S100B: variants seen among roughly 807,000 people sequenced by gnomAD.
S100B encodes the protein S100 calcium binding protein B.
In S100B, 6 loss-of-function variants were observed where a neutral mutation model predicts 7.7. The ratio of observed to expected loss-of-function variants is 0.78; its 90% confidence interval spans 0.43 to 1.54. The LOEUF is 1.54. S100B is among the 40% of genes most tolerant of loss of function. The pLI is 0.01. For synonymous variants in S100B, 36 were observed against 40.4 expected, an observed-to-expected ratio of 0.89 and a Z score of 0.41; for missense variants, 99 against 111.8, an observed-to-expected ratio of 0.89 and a Z score of 0.52.
At chr21:46,600,362 G>T in intron 2 of S100B, 1 of 444,014 alleles carries the variant, frequency 2.3e-6, no homozygotes. Flanking sequence ...GGGCAACATA[G>T]GGAGACTCCA....
At chr21:46,600,631 A>G (rs1306910870) in intron 2 of S100B, among the ~76,000 whole-genome samples, 1 of 152,174 alleles carries the variant, frequency 6.6e-6, no homozygotes, top group African/African-American at 2.4e-5. Context: ...GGGCAGGAGC[A>G]GGGCACTAAC....
chr21:46,600,898 ACT>A (rs1030917963), intron 2 of S100B, among the ~76,000 whole-genome samples: 1 of 152,066 alleles, frequency 6.6e-6, no homozygotes. Flanking sequence ...AGAACCTGGG[ACT>A]CTCAGATCAA....
intron 1 of S100B, among the ~76,000 whole-genome samples, chr21:46,603,352 G>T: frequency 9.7e-6 from 1 of 103,200 alleles, no homozygotes; most frequent in Non-Finnish European, 2.1e-5. Context: ...CCAGTGTACC[G>T]AAAGGGTGGC....
At position 46,603,771 on chromosome 21, in the gene S100B, T is replaced by C. The variant is rs544003743; in HGVS notation, c.-2+1242A>G. Among the ~76,000 whole-genome samples the C allele has an allele frequency of 1.8e-3, 275 of 152,312 alleles. 2 individuals carry two copies. Among genetic ancestry groups the C allele is most frequent in the Non-Finnish European group, 3.2e-3 (217 of 68,018 alleles). ...CCTCCGAAGGAAACAGGATTGAAGA[T>C]TTTTTTATACTGGCCAGATCTTTGC... On this transcript the variant is annotated intron_variant, in intron 1 of 2. Transcript: ENST00000291700.
intron 1 of S100B, among the ~76,000 whole-genome samples, chr21:46,603,245 A>G (rs2061046566): frequency 6.6e-6 from 1 of 151,812 alleles, no homozygotes; most frequent in Admixed American, 6.6e-5. Flanking sequence ...GGAAAAAAAA[A>G]TGTATCCTAA....
chr21:46,602,396 G>A lies in S100B; in HGVS notation c.20C>T (p.Ala7Val), dbSNP rs1295639565. Residue 7 changes from alanine to valine, a missense_variant, in exon 2 of 3, where the codon GCC becomes GTC. By Grantham distance (64) the Ala-to-Val change is moderately conservative. Transcript: ENST00000291700. MSELEK[A>V]MVALIDVFHQ... ...GAAAACGTCGATGAGGGCCACCATG[G>A]CCTTCTCCAGCTCAGACATCCTAGG... 6.2e-7 allele frequency: 1 copy of A among 1,613,958 alleles called. No individual in the cohort carries two copies. Among genetic ancestry groups the A allele is most frequent in the Admixed American group, 1.7e-5 (1 of 59,996 alleles).
intron 1 of S100B, 179 bp from the exon 2 acceptor site, chr21:46,602,595 T>C: frequency 3.4e-6 from 2 of 581,180 alleles, no homozygotes; most frequent in South Asian, 2.5e-5. Context: ...ACTTTTATCA[T>C]AATCCTTCCA....
intron 1 of S100B, among the ~76,000 whole-genome samples, chr21:46,603,392 A>AGAGGGTG (rs2061047288): frequency 2.6e-5 from 1 of 38,206 alleles, no homozygotes; most frequent in Non-Finnish European, 4.9e-5. Context: ...GGACGGCGGG[A>AGAGGGTG]GGGGGTGGGG....
intron 2 of S100B, chr21:46,600,281 C>T (rs965184573): frequency 2.5e-6 from 1 of 394,196 alleles, no homozygotes; most frequent in Non-Finnish European, 5.1e-6. Flanking sequence ...GTGGCTCACA[C>T]CTGTAATCCC....
intron 1 of S100B, 191 bp from the exon 2 acceptor site, chr21:46,602,607 C>T (rs946879846): frequency 9.7e-5 from 53 of 543,960 alleles, no homozygotes; most frequent in East Asian, 9.3e-5. Context: ...ATCCTTCCAC[C>T]GGCCTCTTAG....
intron 2 of S100B, chr21:46,600,420 C>T: frequency 2.4e-6 from 1 of 421,260 alleles, no homozygotes; most frequent in Non-Finnish European, 4.7e-6. Context: ...GGTCCATGTG[C>T]CCGTATTCCC....
At chr21:46,602,459 A>C in intron 1 of S100B, 43 bp from the exon 2 acceptor site, 2 of 1,593,286 alleles carry the variant, frequency 1.3e-6, no homozygotes, top group Non-Finnish European at 1.7e-6. Context: ...TCTATACCTC[A>C]TCCTAAAACA....
Position 46,599,504 on chromosome 21 carries a change from C to T in S100B, c.139-1G>A, listed in dbSNP as rs766516434. The T allele has an allele frequency of 3.7e-6, 6 of 1,614,030 alleles. No homozygotes were observed. The highest frequency in any genetic ancestry group is 4.2e-6 in the Non-Finnish European group (5 of 1,179,944). Reference sequence around the variant, plus strand: ...CCACAACCTCCTGCTCTTTGATTTCCTAAGAGAGATAAAAGGAGTTGCCGA... The same window carrying T: ...CCACAACCTCCTGCTCTTTGATTTCTTAAGAGAGATAAAAGGAGTTGCCGA... On this transcript the variant is annotated splice_acceptor_variant, in intron 2 of 2. Transcript: ENST00000291700. LOFTEE classifies it high-confidence loss of function.
chr21:46,600,031 C>A (rs2061037179), intron 2 of S100B, among the ~76,000 whole-genome samples: 1 of 152,184 alleles, frequency 6.6e-6, no homozygotes, highest in Admixed American at 6.5e-5. Context: ...TTTTTCCTGA[C>A]AGTTCTGCCT....
At position 46,602,258 on chromosome 21, in the gene S100B, G is replaced by C; in HGVS notation, c.138+20C>G. 6.2e-7 allele frequency: 1 copy of C among 1,606,620 alleles called. No individual in the cohort carries two copies. Among genetic ancestry groups the C allele is most frequent in the Non-Finnish European group, 8.5e-7 (1 of 1,175,698 alleles). ...TAAGAGGAGATGGAGAAAGTGTCAA[G>C]TTTAAAAAGCAAGACTCACCTCTAA... On this transcript the variant is annotated intron_variant, in intron 2 of 2. Coordinates refer to ENST00000291700, the MANE Select transcript of S100B (RefSeq NM_006272.3).
chr21:46,603,619 A>G (rs4819269), intron 1 of S100B, among the ~76,000 whole-genome samples: 15,110 of 152,188 alleles, frequency 0.099, 1,043 homozygotes, highest in African/African-American at 0.19. Context: ...ATCATTAAAT[A>G]AGAACGTTTG....
At chr21:46,599,955 G>A (rs881827) in intron 2 of S100B, among the ~76,000 whole-genome samples, 42,381 of 152,074 alleles carry the variant, frequency 0.28, 6,114 homozygotes, top group Admixed American at 0.32. Context: ...TCTTGGGAAC[G>A]TGGCCTACAT....
rs1056505824 is a variant in S100B, at chr21:46,602,433, G to A, written c.-1-17C>T. On this transcript the variant is annotated splice_polypyrimidine_tract_variant and intron_variant, in intron 1 of 2. Coordinates refer to ENST00000291700, the MANE Select transcript of S100B (RefSeq NM_006272.3). ...TCAGACATCCTAGGGGCTCGCAAAG[G>A]AAAGTTGCCTTCTCATCTATACCTC... The A allele has an allele frequency of 1.9e-6, 3 of 1,609,284 alleles. No homozygotes were observed. The African/African-American group carries it at 4.0e-5, about 22-fold the overall frequency.
At chr21:46,603,451 C>G (rs1397297283) in intron 1 of S100B, among the ~76,000 whole-genome samples, 1 of 137,978 alleles carries the variant, frequency 7.2e-6, no homozygotes, top group Non-Finnish European at 1.5e-5. Flanking sequence ...GCCCCCCTAC[C>G]TCCCTCACAG....
Sources: gnomAD v4.1 joint callset for allele counts (sites outside exome capture counted in the v4.1 genomes callset) on GRCh38, gnomAD v4.1.1 for gene constraint, MANE v1.5 for transcripts, NCBI Gene and HGNC (gene_info 2026-07-23, HGNC 2026-07-21) for gene names.